The following RBFOX1 variants were observed in gnomAD, a reference collection of about 807,000 sequenced individuals.
RBFOX1 encodes the protein RNA binding protein fox-1 homolog 1.
A neutral mutation model predicts 57.7 loss-of-function variants in RBFOX1; 8 were observed. The observed-to-expected ratio is 0.14, with a 90% confidence interval of 0.08 to 0.25. RBFOX1 has a LOEUF of 0.25. Ranked by LOEUF, RBFOX1 falls within the 10% of genes least tolerant of loss-of-function variation. The probability of loss-of-function intolerance (pLI) is 1.00; values close to 1 mark genes in which losing one functional copy is unlikely to be tolerated. For synonymous variants in RBFOX1, 326 were observed against 222.4 expected, an observed-to-expected ratio of 1.47 and a Z score of -4.15; for missense variants, 611 against 548.5, an observed-to-expected ratio of 1.11 and a Z score of -1.14.
chr16:7,166,622 C>T (rs879886233), intron 4 of RBFOX1, among the ~76,000 whole-genome samples: 1 of 152,086 alleles, frequency 6.6e-6, no homozygotes, highest in African/African-American at 2.4e-5. Flanking sequence ...TGGACTGGCC[C>T]TCCTTCGACA....
At chr16:5,285,631 G>A (rs967584232) in intron 1 of RBFOX1, among the ~76,000 whole-genome samples, 1 of 152,154 alleles carries the variant, frequency 6.6e-6, no homozygotes, top group Non-Finnish European at 1.5e-5. Context: ...TCTTATAGCT[G>A]TATCTACAAT....
chr16:6,368,999 A>T (rs1443418552), intron 2 of RBFOX1, among the ~76,000 whole-genome samples: 1 of 152,234 alleles, frequency 6.6e-6, no homozygotes, highest in Non-Finnish European at 1.5e-5. Flanking sequence ...CACTTGTGTA[A>T]AATTGAAAAC....
chr16:6,869,066 C>A (rs140556377), intron 3 of RBFOX1, among the ~76,000 whole-genome samples: 1 of 152,304 alleles, frequency 6.6e-6, no homozygotes, highest in South Asian at 2.1e-4. Context: ...AAATAAACTT[C>A]CATTGCTATA....
At chr16:5,835,121 ACC>A (rs200189080) in intron 3 of RBFOX1, among the ~76,000 whole-genome samples, 1 of 150,820 alleles carries the variant, frequency 6.6e-6, no homozygotes, top group Non-Finnish European at 1.5e-5. Flanking sequence ...ATTATATAGG[ACC>A]CCCCCCAGAA....
intron 4 of RBFOX1, among the ~76,000 whole-genome samples, chr16:5,961,719 G>A (rs1445659999): frequency 6.6e-6 from 1 of 151,988 alleles, no homozygotes; most frequent in Non-Finnish European, 1.5e-5. Context: ...GTAGAGATGA[G>A]GTTTTGCTTT....
chr16:6,062,134 G>C (rs775483563), intron 1 of RBFOX1, among the ~76,000 whole-genome samples: 1 of 152,160 alleles, frequency 6.6e-6, no homozygotes, highest in Admixed American at 6.5e-5. Flanking sequence ...GTGGATAGGC[G>C]TGCAGAGCTT....
In RBFOX1 at chr16:5,526,735, T is replaced by G. The variant is rs532959902; in HGVS notation, c.258+59481T>G. 1.1e-4 allele frequency among the ~76,000 whole-genome samples: 17 copies of G among 152,314 alleles called. No individual in the cohort carries two copies. In the East Asian group the frequency reaches 3.3e-3, roughly 29 times the overall value. On this transcript the variant is annotated intron_variant, in intron 2 of 2. Transcript: ENST00000585867. ...CCTGCTGTGCCCCTCTCCCCCAGCC[T>G]GCATCCACGTACATTCTGTAAAGTA...
At chr16:6,926,045 G>A (rs978954362) in intron 3 of RBFOX1, among the ~76,000 whole-genome samples, 4 of 152,004 alleles carry the variant, frequency 2.6e-5, no homozygotes, top group Non-Finnish European at 4.4e-5. Flanking sequence ...TTGGTGGCTC[G>A]TGTTAGTCCC....
chr16:6,639,708 C>T (rs1306300594), intron 2 of RBFOX1, among the ~76,000 whole-genome samples: 2 of 152,044 alleles, frequency 1.3e-5, no homozygotes, highest in East Asian at 3.9e-4. Context: ...AACCCTGTCT[C>T]TACTAAAAAT....
At chr16:5,539,403 G>C (rs1016889804) in intron 2 of RBFOX1, among the ~76,000 whole-genome samples, 5 of 151,842 alleles carry the variant, frequency 3.3e-5, no homozygotes, top group African/African-American at 1.2e-4. Context: ...GACCAGCCTG[G>C]CCAACATGAC....
At chr16:6,645,622 T>C (rs2098527852) in intron 2 of RBFOX1, among the ~76,000 whole-genome samples, 1 of 152,162 alleles carries the variant, frequency 6.6e-6, no homozygotes, top group African/African-American at 2.4e-5. Context: ...AGTGCTTTGA[T>C]GTCTAAAATC....
intron 3 of RBFOX1, among the ~76,000 whole-genome samples, chr16:6,693,070 C>T (rs1252096757): frequency 6.8e-6 from 1 of 147,624 alleles, no homozygotes; most frequent in East Asian, 2.0e-4. Context: ...TCACCATCAT[C>T]CTCCTCTACT....
chr16:6,301,066 T>C (rs2078764564), intron 1 of RBFOX1, among the ~76,000 whole-genome samples: 1 of 152,134 alleles, frequency 6.6e-6, no homozygotes, highest in South Asian at 2.1e-4. Flanking sequence ...TTATTTCCTA[T>C]GAGTTGTCAT....
intron 1 of RBFOX1, among the ~76,000 whole-genome samples, chr16:5,414,525 T>C (rs560488477): frequency 6.6e-6 from 1 of 152,190 alleles, no homozygotes; most frequent in African/African-American, 2.4e-5. Flanking sequence ...GTTGGTCAAT[T>C]TGGGGGGCTG....
chr16:7,060,069 C>A (rs1227996263), intron 4 of RBFOX1, among the ~76,000 whole-genome samples: 4 of 152,100 alleles, frequency 2.6e-5, no homozygotes, highest in Non-Finnish European at 5.9e-5. Context: ...CATTCTCATT[C>A]CACTTTAATC....
intron 3 of RBFOX1, among the ~76,000 whole-genome samples, chr16:6,674,341 AGTCAGAG>A (rs2098787161): frequency 6.6e-6 from 1 of 151,244 alleles, no homozygotes; most frequent in Non-Finnish European, 1.5e-5. Flanking sequence ...TCTTTTTTTG[AGTCAGAG>A]TCTCACTCTG....
rs1390523175 is a variant in RBFOX1, at chr16:6,522,979, TTCTTA to T, written c.-63-131619_-63-131615del. On this transcript the variant is annotated intron_variant, in intron 2 of 15. Transcript: ENST00000550418. ...CCAGGTTCTTTAAAGAACCAGCTCC[TTCTTA>T]TCTTTTAGGCATCAAAGAACCATTG... Among the ~76,000 whole-genome samples the T allele has an allele frequency of 9.8e-5, 15 of 152,318 alleles. 1 individual carries two copies. Among genetic ancestry groups the T allele is most frequent in the African/African-American group, 3.1e-4 (13 of 41,556 alleles).
At chr16:5,872,420 T>C (rs1173543135) in intron 4 of RBFOX1, among the ~76,000 whole-genome samples, 2 of 152,144 alleles carry the variant, frequency 1.3e-5, no homozygotes, top group Non-Finnish European at 2.9e-5. Context: ...TGTTTGAACT[T>C]TAAATGAAAT....
chr16:5,604,324 C>T (rs1322726459), downstream of RBFOX1, among the ~76,000 whole-genome samples: 1 of 152,188 alleles, frequency 6.6e-6, no homozygotes, highest in African/African-American at 2.4e-5. Context: ...TAGGTTCTCA[C>T]CAAGCTGCAG....
Sources: allele counts gnomAD v4.1 joint callset (sites outside exome capture counted in the v4.1 genomes callset), GRCh38; gene constraint gnomAD v4.1.1; transcripts MANE v1.5; gene names NCBI Gene and HGNC (gene_info 2026-07-23, HGNC 2026-07-21).